LHFPL3: variants seen among roughly 807,000 people sequenced by gnomAD.
LHFPL3 encodes the protein LHFPL tetraspan subfamily member 3.
LHFPL3 carries 5 observed loss-of-function variants against 19.3 expected under a neutral mutation model. That is an observed-to-expected ratio of 0.26 (90% CI 0.14 to 0.54). LHFPL3 has a LOEUF of 0.54. Ranked by LOEUF, LHFPL3 falls within the 20% of genes least tolerant of loss-of-function variation. The probability of loss-of-function intolerance (pLI) is 0.94; values close to 1 mark genes in which losing one functional copy is unlikely to be tolerated. For missense variants in LHFPL3, 249 were observed against 307.4 expected (o/e 0.81, Z 1.42); for synonymous variants, 133 against 126.2 (o/e 1.05, Z -0.36).
chr7:104,600,728 G>A (rs576118334), intron 1 of LHFPL3, among the ~76,000 whole-genome samples: 31 of 152,324 alleles, frequency 2.0e-4, no homozygotes, highest in African/African-American at 7.2e-4. Context: ...GCACCCTATG[G>A]CCTATAAGGG....
chr7:104,859,800 A>G (rs1791579715), intron 2 of LHFPL3, among the ~76,000 whole-genome samples: 1 of 152,198 alleles, frequency 6.6e-6, no homozygotes, highest in African/African-American at 2.4e-5. Flanking sequence ...AATCCATAGA[A>G]TGTATAATAC....
intron 1 of LHFPL3, among the ~76,000 whole-genome samples, chr7:104,450,738 G>GA (rs1037445300): frequency 5.3e-5 from 8 of 150,828 alleles, no homozygotes; most frequent in African/African-American, 1.5e-4. Flanking sequence ...CAAAAACACT[G>GA]AAAAAAAACT....
chr7:104,515,640 C>T (rs963417559), intron 1 of LHFPL3, among the ~76,000 whole-genome samples: 1 of 152,252 alleles, frequency 6.6e-6, no homozygotes, highest in East Asian at 1.9e-4. Flanking sequence ...AGGAATTGTG[C>T]TTCGAAGTAG....
chr7:104,578,934 C>T (rs1226132054), intron 1 of LHFPL3, among the ~76,000 whole-genome samples: 1 of 152,130 alleles, frequency 6.6e-6, no homozygotes, highest in Non-Finnish European at 1.5e-5. Context: ...ACTTTAGGGC[C>T]TTGCCCACCA....
At chr7:104,345,575 CAA>C (rs1008344368) in intron 1 of LHFPL3, among the ~76,000 whole-genome samples, 40 of 152,126 alleles carry the variant, frequency 2.6e-4, no homozygotes, top group Non-Finnish European at 5.1e-4. Context: ...TATAAAATAA[CAA>C]AAGTCTATGT....
intron 1 of LHFPL3, among the ~76,000 whole-genome samples, chr7:104,696,470 G>A (rs2116156403): frequency 7.6e-6 from 1 of 131,728 alleles, no homozygotes; most frequent in African/African-American, 2.8e-5. Context: ...GTGTGTGTGT[G>A]TGCTTACATA....
intron 1 of LHFPL3, among the ~76,000 whole-genome samples, chr7:104,329,464 C>T (rs552433674): frequency 6.6e-6 from 1 of 152,380 alleles, no homozygotes; most frequent in Non-Finnish European, 1.5e-5. Flanking sequence ...GGGGGACGCC[C>T]ACTCAGAGGG....
intron 1 of LHFPL3, among the ~76,000 whole-genome samples, chr7:104,371,840 G>T (rs1790622654): frequency 1.3e-5 from 2 of 152,176 alleles, no homozygotes; most frequent in Admixed American, 6.5e-5. Flanking sequence ...CATAGCATAG[G>T]AGTGTTTCCC....
At chr7:104,527,800 A>G (rs1794219041) in intron 1 of LHFPL3, among the ~76,000 whole-genome samples, 1 of 152,232 alleles carries the variant, frequency 6.6e-6, no homozygotes, top group South Asian at 2.1e-4. Context: ...GAATGAATAC[A>G]GAGGGAAATT....
At chr7:104,402,542 T>C (rs771289705) in intron 1 of LHFPL3, among the ~76,000 whole-genome samples, 6 of 152,194 alleles carry the variant, frequency 3.9e-5, no homozygotes, top group African/African-American at 1.4e-4. Context: ...GAATCGTATG[T>C]TTTCTCCACA....
intron 1 of LHFPL3, among the ~76,000 whole-genome samples, chr7:104,690,410 C>T (rs1374791528): frequency 6.6e-6 from 1 of 152,250 alleles, no homozygotes; most frequent in Non-Finnish European, 1.5e-5. Flanking sequence ...ATCAACTCTC[C>T]GACTTTGTGT....
At chr7:104,493,967 AATTCCTC>A (rs1584357797) in intron 1 of LHFPL3, among the ~76,000 whole-genome samples, 1 of 152,198 alleles carries the variant, frequency 6.6e-6, no homozygotes, top group African/African-American at 2.4e-5. Context: ...AAACATTTCA[AATTCCTC>A]ATTAATAATT....
rs186040898 is a variant in LHFPL3, at chr7:104,681,452, G to A, written c.446-55223G>A. On this transcript the variant is annotated intron_variant, in intron 1 of 2. Transcript: ENST00000424859. ...ATCCTGGCCAACATGATGAAACCCC[G>A]TCTCTACTAAAAATACAAAATTAGC... Among the ~76,000 whole-genome samples, 419 of 152,064 alleles carry A rather than the reference G, an allele frequency of 2.8e-3. 1 individual carries two copies. Among genetic ancestry groups the A allele is most frequent in the African/African-American group, 9.5e-3 (396 of 41,482 alleles).
Position 104,585,472 on chromosome 7 carries a change from CACACACAA to C in LHFPL3, c.446-151195_446-151188del, listed in dbSNP as rs1004130692. ...GAAAGTGGAAAGTGGAATAAGGCAA[CACACACAA>C]ACACACACACACACACACACACACA... On this transcript the variant is annotated intron_variant, in intron 1 of 2. Transcript: ENST00000424859. Among the ~76,000 whole-genome samples the C allele has an allele frequency of 1.7e-4, 22 of 130,910 alleles. No homozygotes were observed. The South Asian group carries it at 1.8e-3, about 11-fold the overall frequency. 85.9% of individuals were successfully genotyped at this position (130,910 alleles called of 152,430 possible). A position where few individuals can be genotyped will look rare whatever the true frequency, so the allele number is the denominator to read the frequency against.
intron 2 of LHFPL3, among the ~76,000 whole-genome samples, chr7:104,902,814 C>T (rs919219372): frequency 2.0e-5 from 3 of 151,946 alleles, no homozygotes; most frequent in Admixed American, 1.3e-4. Context: ...GAAGTTACAG[C>T]GAGGGATCTA....
intron 1 of LHFPL3, among the ~76,000 whole-genome samples, chr7:104,441,416 T>C (rs2116581642): frequency 6.6e-6 from 1 of 152,332 alleles, no homozygotes; most frequent in Middle Eastern, 3.4e-3. Flanking sequence ...ATTTTCTTCC[T>C]CTTTAAGGCT....
intron 1 of LHFPL3, among the ~76,000 whole-genome samples, chr7:104,390,105 T>C (rs1791035209): frequency 1.3e-5 from 2 of 151,550 alleles, no homozygotes; most frequent in Admixed American, 6.6e-5. Context: ...ATATCATATA[T>C]CTGTTAAGGG....
At chr7:104,828,032 C>A (rs1454099537) in intron 2 of LHFPL3, among the ~76,000 whole-genome samples, 1 of 151,952 alleles carries the variant, frequency 6.6e-6, no homozygotes, top group Non-Finnish European at 1.5e-5. Context: ...GTGGACTAGA[C>A]CCCTCTTCGG....
chr7:104,651,877 G>A (rs543348171), intron 1 of LHFPL3, among the ~76,000 whole-genome samples: 15 of 152,178 alleles, frequency 9.9e-5, no homozygotes, highest in Non-Finnish European at 2.1e-4. Context: ...ATAATTTCAG[G>A]CTCACAGGCT....
Sources: allele counts gnomAD v4.1 joint callset (sites outside exome capture counted in the v4.1 genomes callset), GRCh38; gene constraint gnomAD v4.1.1; transcripts MANE v1.5; gene names NCBI Gene and HGNC (gene_info 2026-07-23, HGNC 2026-07-21).